Variants in GRID2 observed in about 807,000 individuals in gnomAD.
GRID2 encodes the protein glutamate receptor ionotropic, delta-2.
Under a neutral mutation model 114.8 loss-of-function variants are expected in GRID2, and 33 were observed. The observed-to-expected ratio is 0.29, with a 90% CI of 0.22 to 0.38. The LOEUF is 0.38. Among genes scored for constraint, GRID2 ranks in the 10% least tolerant of loss-of-function variants. The pLI is 1.00. For synonymous variants in GRID2, 505 were observed against 449.9 expected (o/e 1.12, Z -1.55); for missense variants, 1,184 against 1,257.7 (o/e 0.94, Z 0.89).
At chr4:93,554,526 A>G (rs1734113593) in intron 13 of GRID2, among the ~76,000 whole-genome samples, 1 of 152,180 alleles carries the variant, frequency 6.6e-6, no homozygotes, top group African/African-American at 2.4e-5. Context: ...TATAATGTGT[A>G]ATGATGAAAT....
intron 1 of GRID2, among the ~76,000 whole-genome samples, chr4:92,386,444 T>C (rs1300095352): frequency 6.6e-6 from 1 of 151,750 alleles, no homozygotes; most frequent in Non-Finnish European, 1.5e-5. Flanking sequence ...CATTCTCCAT[T>C]TCCAGCAGTA....
chr4:92,564,428 G>T (rs963569973), intron 1 of GRID2, among the ~76,000 whole-genome samples: 1 of 151,876 alleles, frequency 6.6e-6, no homozygotes, highest in Non-Finnish European at 1.5e-5. Context: ...ACAAATCAAG[G>T]TTGATAGACA....
chr4:92,886,990 G>T (rs1248444113), intron 2 of GRID2, among the ~76,000 whole-genome samples: 2 of 151,902 alleles, frequency 1.3e-5, no homozygotes, highest in African/African-American at 4.8e-5. Flanking sequence ...AAATATTATT[G>T]CTTCCCTTTT....
At chr4:92,727,143 C>T (rs1007861272) in intron 2 of GRID2, among the ~76,000 whole-genome samples, 1 of 151,952 alleles carries the variant, frequency 6.6e-6, no homozygotes, top group Non-Finnish European at 1.5e-5. Context: ...TTTGTATATA[C>T]AGACATTCAG....
At position 93,008,229 on chromosome 4, in the gene GRID2, G is replaced by A. The variant is rs1049631609; in HGVS notation, c.245-76766G>A. ...CTAAAGTGGCGTAAAAAATGAGGGTGACTAAATTCTTGGGAGGATTTCTAT... is the reference window on the plus strand; with the variant it reads ...CTAAAGTGGCGTAAAAAATGAGGGTAACTAAATTCTTGGGAGGATTTCTAT... On this transcript the variant is annotated intron_variant, in intron 2 of 15. Transcript: ENST00000282020. Among the ~76,000 whole-genome samples, 5 of 151,864 alleles carry A rather than the reference G, an allele frequency of 3.3e-5. No individual in the cohort carries two copies. The South Asian group carries it at 1.0e-3, about 32-fold the overall frequency.
At chr4:93,293,085 A>G (rs1460586686) in intron 8 of GRID2, among the ~76,000 whole-genome samples, 2 of 152,226 alleles carry the variant, frequency 1.3e-5, no homozygotes, top group Non-Finnish European at 2.9e-5. Context: ...GAGTACAATC[A>G]GTGAAAACCC....
intron 8 of GRID2, among the ~76,000 whole-genome samples, chr4:93,252,060 G>A (rs1360275183): frequency 2.6e-5 from 4 of 152,050 alleles, no homozygotes; most frequent in African/African-American, 7.2e-5. Context: ...TTGCCACACT[G>A]TCTTCCACAA....
rs1163700157 is a variant in GRID2, at chr4:92,460,047, TATATATACAC to T, written c.89-130082_89-130073del. Reference sequence around the variant, plus strand: ...ATAAATCTCACTATATATATATATATATATATACACACACAACTTTTTGGTTCTGTTTCTC... The same window carrying T: ...ATAAATCTCACTATATATATATATATACACAACTTTTTGGTTCTGTTTCTC... On this transcript the variant is annotated intron_variant, in intron 1 of 15. Coordinates refer to ENST00000282020, the MANE Select transcript of GRID2 (RefSeq NM_001510.4). Among the ~76,000 whole-genome samples the T allele has an allele frequency of 1.3e-4, 15 of 118,464 alleles. 1 individual carries two copies. Among genetic ancestry groups the T allele is most frequent in the African/African-American group, 3.5e-4 (10 of 28,890 alleles). 77.7% of individuals were successfully genotyped at this position (118,464 alleles called of 152,430 possible).
At chr4:92,890,825 G>C (rs193273493) in intron 2 of GRID2, among the ~76,000 whole-genome samples, 92 of 152,290 alleles carry the variant, frequency 6.0e-4, no homozygotes, top group African/African-American at 2.2e-3. Flanking sequence ...TATGTTTACT[G>C]CAGCACTATT....
At position 93,427,265 on chromosome 4, in the gene GRID2, CT is replaced by C. The variant is rs201044233; in HGVS notation, c.1545+4298del. ...CAAACTTTATGAGGTGTATTTACCC[CT>C]ATAAACCAAAATTACACCGTTGAAA... is the stretch of plus-strand genomic sequence containing the variant. On this transcript the variant is annotated intron_variant, in intron 10 of 15. Coordinates refer to ENST00000282020, the MANE Select transcript of GRID2 (RefSeq NM_001510.4). 5.9e-3 allele frequency among the ~76,000 whole-genome samples: 896 copies of C among 151,970 alleles called. 8 individuals carry two copies. The highest frequency in any genetic ancestry group is 0.02 in the African/African-American group (849 of 41,500).
At chr4:93,490,009 C>G (rs1726827861) in intron 11 of GRID2, among the ~76,000 whole-genome samples, 1 of 151,764 alleles carries the variant, frequency 6.6e-6, no homozygotes, top group Admixed American at 6.6e-5. Context: ...TTGATATTGT[C>G]CATGGTGAGA....
chr4:92,681,910 A>G (rs569083048), intron 2 of GRID2, among the ~76,000 whole-genome samples: 1 of 152,142 alleles, frequency 6.6e-6, no homozygotes, highest in African/African-American at 2.4e-5. Flanking sequence ...AAGAAAAAAA[A>G]AGAAGGTAGC....
chr4:93,078,831 T>TATTTATGTACTATATATACTAAACATA (rs1729599328), intron 2 of GRID2, among the ~76,000 whole-genome samples: 2 of 146,972 alleles, frequency 1.4e-5, no homozygotes, highest in African/African-American at 4.9e-5. Context: ...AATATAATTA[T>TATTTATGTACTATATATACTAAACATA]ATTTAGTATA....
At chr4:92,978,718 G>GA (rs1467274417) in intron 2 of GRID2, among the ~76,000 whole-genome samples, 1 of 152,064 alleles carries the variant, frequency 6.6e-6, no homozygotes, top group Non-Finnish European at 1.5e-5. Flanking sequence ...ATATTATTTT[G>GA]TTTCTTTCTA....
intron 1 of GRID2, among the ~76,000 whole-genome samples, chr4:92,441,117 G>A (rs1733042368): frequency 6.6e-6 from 1 of 152,124 alleles, no homozygotes; most frequent in African/African-American, 2.4e-5. Flanking sequence ...GCTACAGGGT[G>A]CGGTCCTGGC....
At chr4:92,837,000 T>C (rs1742505205) in intron 2 of GRID2, among the ~76,000 whole-genome samples, 1 of 152,028 alleles carries the variant, frequency 6.6e-6, no homozygotes, top group Non-Finnish European at 1.5e-5. Context: ...AAGGGTTCAG[T>C]CTAGGTCCTG....
intron 2 of GRID2, among the ~76,000 whole-genome samples, chr4:93,000,354 T>C (rs1037510891): frequency 1.3e-5 from 2 of 151,650 alleles, no homozygotes; most frequent in Non-Finnish European, 3.0e-5. Context: ...ATTTAAGACA[T>C]GCTGAGAATT....
chr4:92,908,217 A>G (rs985226649), intron 2 of GRID2, among the ~76,000 whole-genome samples: 4 of 152,154 alleles, frequency 2.6e-5, no homozygotes, highest in African/African-American at 9.7e-5. Flanking sequence ...GTAATTCATC[A>G]GAGATAAGTA....
At chr4:92,961,026 G>C (rs1208310592) in intron 2 of GRID2, among the ~76,000 whole-genome samples, 3 of 151,650 alleles carry the variant, frequency 2.0e-5, no homozygotes, top group African/African-American at 7.3e-5. Flanking sequence ...AGGTAGTGCA[G>C]GTACCTTACA....
Sources: allele counts gnomAD v4.1 joint callset (sites outside exome capture counted in the v4.1 genomes callset), GRCh38; gene constraint gnomAD v4.1.1; transcripts MANE v1.5; gene names NCBI Gene and HGNC (gene_info 2026-07-23, HGNC 2026-07-21).